The following SEMA6D variants were observed in gnomAD, a reference collection of about 807,000 sequenced individuals.
SEMA6D encodes semaphorin 6D.
A neutral mutation model predicts 106.6 loss-of-function variants in SEMA6D; 35 were observed. That is an observed-to-expected ratio of 0.33 (90% CI 0.25 to 0.44). The LOEUF (loss-of-function observed/expected upper bound fraction) is 0.44, where lower values mean the gene tolerates loss of function less well. Ranked by LOEUF, SEMA6D falls within the 20% of genes least tolerant of loss-of-function variation. The pLI, the probability that SEMA6D is intolerant of heterozygous loss-of-function variation, is 1.00. For synonymous variants in SEMA6D, 499 were observed against 487.7 expected (o/e 1.02, Z -0.31); for missense variants, 1,185 against 1,345.9 (o/e 0.88, Z 1.87).
intron 1 of SEMA6D, among the ~76,000 whole-genome samples, chr15:47,252,869 C>T: frequency 6.6e-6 from 1 of 152,192 alleles, no homozygotes; most frequent in South Asian, 2.1e-4. Flanking sequence ...ATGCAGGTAT[C>T]TTTCTGACAC....
At chr15:47,316,102 C>CTTTTTTTTTTTTGTTTTTTT (rs67090828) in intron 1 of SEMA6D, among the ~76,000 whole-genome samples, 1 of 81,484 alleles carries the variant, frequency 1.2e-5, no homozygotes. Flanking sequence ...CATTTATTTC[C>CTTTTTTTTTTTTGTTTTTTT]TTTTTTTTGA....
intron 4 of SEMA6D, among the ~76,000 whole-genome samples, chr15:47,666,971 C>T (rs1433982757): frequency 1.3e-5 from 2 of 152,128 alleles, no homozygotes; most frequent in Admixed American, 1.3e-4. Flanking sequence ...ATAATCCAAT[C>T]AGTAGTCCTG....
chr15:47,503,783 T>C (rs989191792), intron 3 of SEMA6D, among the ~76,000 whole-genome samples: 4 of 152,118 alleles, frequency 2.6e-5, no homozygotes, highest in Non-Finnish European at 5.9e-5. Context: ...TTTGGATAAG[T>C]CTTCTTTTCC....
chr15:47,604,666 G>T (rs554706097), intron 4 of SEMA6D, among the ~76,000 whole-genome samples: 1 of 152,146 alleles, frequency 6.6e-6, no homozygotes, highest in Non-Finnish European at 1.5e-5. Flanking sequence ...AAAACTCTAG[G>T]ATCCATCCTT....
intron 4 of SEMA6D, among the ~76,000 whole-genome samples, chr15:47,688,304 A>T (rs1290391022): frequency 6.6e-6 from 1 of 152,206 alleles, no homozygotes; most frequent in Non-Finnish European, 1.5e-5. Flanking sequence ...GTGCCATACT[A>T]GAAGCAGCTT....
intron 4 of SEMA6D, among the ~76,000 whole-genome samples, chr15:47,669,327 G>T (rs1474611181): frequency 6.6e-6 from 1 of 152,184 alleles, no homozygotes; most frequent in African/African-American, 2.4e-5. Context: ...TTATAAGTCT[G>T]TAACTTCTTC....
intron 2 of SEMA6D, among the ~76,000 whole-genome samples, chr15:47,458,256 G>T (rs1165696358): frequency 4.6e-5 from 7 of 151,670 alleles, no homozygotes; most frequent in African/African-American, 7.3e-5. Context: ...CATATATGCG[G>T]TAGTATGAGA....
chr15:47,357,269 G>A (rs1040365980), intron 1 of SEMA6D, among the ~76,000 whole-genome samples: 5 of 152,058 alleles, frequency 3.3e-5, no homozygotes, highest in African/African-American at 1.2e-4. Context: ...GGGGGGCGGA[G>A]CCTGCAGTGA....
At chr15:47,592,504 A>G (rs983281062) in intron 3 of SEMA6D, among the ~76,000 whole-genome samples, 1 of 152,142 alleles carries the variant, frequency 6.6e-6, no homozygotes, top group Non-Finnish European at 1.5e-5. Flanking sequence ...CTCAATGTTA[A>G]TTTCAGTTGT....
chr15:47,723,482 G>A (rs891888679), intron 1 of SEMA6D, among the ~76,000 whole-genome samples: 2 of 152,254 alleles, frequency 1.3e-5, no homozygotes, highest in Middle Eastern at 3.4e-3. Flanking sequence ...TTCCCGGGGG[G>A]AATTTATGGG....
intron 1 of SEMA6D, among the ~76,000 whole-genome samples, chr15:47,322,720 A>G (rs1048944250): frequency 6.6e-6 from 1 of 152,198 alleles, no homozygotes; most frequent in East Asian, 1.9e-4. Context: ...TAATGTTAAC[A>G]TCCTATTTCT....
intron 1 of SEMA6D, among the ~76,000 whole-genome samples, chr15:47,341,969 T>A (rs1195242959): frequency 6.6e-6 from 1 of 152,084 alleles, no homozygotes; most frequent in East Asian, 1.9e-4. Context: ...TTCAGTGAAA[T>A]CATTCCATGT....
intron 4 of SEMA6D, among the ~76,000 whole-genome samples, chr15:47,654,906 C>T (rs28653324): frequency 0.078 from 11,919 of 152,210 alleles, 1,563 homozygotes; most frequent in African/African-American, 0.27. Flanking sequence ...CTCAGTCTCA[C>T]ATATTCCTTT....
intron 2 of SEMA6D, among the ~76,000 whole-genome samples, chr15:47,462,585 G>C (rs4407004): frequency 0.26 from 38,938 of 151,934 alleles, 5,411 homozygotes; most frequent in Middle Eastern, 0.44. Flanking sequence ...AGATTAAATC[G>C]TTGACTGTAA....
chr15:47,730,360 G>T lies in SEMA6D; in HGVS notation c.-55+12668G>T, dbSNP rs2080037359. On this transcript the variant is annotated intron_variant, in intron 1 of 18. Coordinates refer to ENST00000536845, the MANE Select transcript of SEMA6D (RefSeq NM_001358351.3). ...CCACAGTGGTGCAGGTCTTCCTGTG[G>T]ACTAGACGTCCCAGTCTTGCCTTCC... is the stretch of plus-strand genomic sequence containing the variant. The T allele has an allele frequency of 5.5e-6, 8 of 1,447,486 alleles. No homozygotes were observed. The South Asian group carries it at 8.0e-5, about 15-fold the overall frequency. 89.7% of individuals were successfully genotyped at this position (1,447,486 alleles called of 1,614,324 possible). A position where few individuals can be genotyped will look rare whatever the true frequency, so the allele number is the denominator to read the frequency against.
intron 1 of SEMA6D, among the ~76,000 whole-genome samples, chr15:47,277,783 C>T (rs931642095): frequency 6.6e-6 from 1 of 151,112 alleles, no homozygotes; most frequent in Non-Finnish European, 1.5e-5. Flanking sequence ...CCACAACAGT[C>T]CCCAGAGTGT....
At chr15:47,402,468 C>T (rs1352872595) in intron 1 of SEMA6D, among the ~76,000 whole-genome samples, 2 of 152,172 alleles carry the variant, frequency 1.3e-5, no homozygotes, top group African/African-American at 2.4e-5. Context: ...CTCACGTAAC[C>T]ACAACAGTGA....
At chr15:47,530,969 T>C (rs887165380) in intron 3 of SEMA6D, among the ~76,000 whole-genome samples, 3 of 152,214 alleles carry the variant, frequency 2.0e-5, no homozygotes, top group African/African-American at 7.2e-5. Flanking sequence ...AGAATAAGTA[T>C]TCAATAATTG....
At chr15:47,492,069 A>G (rs1051762948) in intron 3 of SEMA6D, among the ~76,000 whole-genome samples, 2 of 152,180 alleles carry the variant, frequency 1.3e-5, no homozygotes, top group Admixed American at 6.5e-5. Flanking sequence ...TAACTTCCCA[A>G]TTAGTGGTTA....
Sources: gnomAD v4.1 joint callset for allele counts (sites outside exome capture counted in the v4.1 genomes callset) on GRCh38, gnomAD v4.1.1 for gene constraint, MANE v1.5 for transcripts, NCBI Gene and HGNC (gene_info 2026-07-23, HGNC 2026-07-21) for gene names.